CPXM2: variants seen among roughly 807,000 people sequenced by gnomAD.
CPXM2 encodes inactive carboxypeptidase-like protein X2.
In CPXM2, 66 loss-of-function variants were observed where a neutral mutation model predicts 86.1. That is an observed-to-expected ratio of 0.77 (90% CI 0.63 to 0.94). CPXM2 has a LOEUF of 0.94. CPXM2 is among the 40% of genes least tolerant of loss of function. CPXM2 has a pLI of 0.00. For synonymous variants in CPXM2, 388 were observed against 400.2 expected, an observed-to-expected ratio of 0.97 and a Z score of 0.36; for missense variants, 948 against 1,026.3, an observed-to-expected ratio of 0.92 and a Z score of 1.04.
chr10:123,804,727 T>C (rs1456831280), intron 4 of CPXM2, among the ~76,000 whole-genome samples: 1 of 152,236 alleles, frequency 6.6e-6, no homozygotes, highest in African/African-American at 2.4e-5. Flanking sequence ...AGTCCAATGC[T>C]GAAAGAAGTG....
chr10:123,770,772 CA>C (rs1846608468), intron 8 of CPXM2, 143 bp downstream of exon 8: 2 of 834,866 alleles, frequency 2.4e-6, no homozygotes, highest in Non-Finnish European at 3.7e-6. Flanking sequence ...CCAACATGGG[CA>C]AAATCTGTCT....
intron 10 of CPXM2, among the ~76,000 whole-genome samples, chr10:123,763,036 C>G (rs1160986084): frequency 6.6e-6 from 1 of 150,988 alleles, no homozygotes; most frequent in Non-Finnish European, 1.5e-5. Context: ...GCTTGGTCCC[C>G]CTCTGGTTTT....
upstream of CPXM2, among the ~76,000 whole-genome samples, chr10:123,940,910 G>A (rs1322847801): frequency 2.0e-5 from 3 of 152,178 alleles, no homozygotes; most frequent in Non-Finnish European, 4.4e-5. Context: ...GGTGGCTCAC[G>A]CCTGTAATCC....
At chr10:123,799,321 C>T (rs1847403602) in intron 4 of CPXM2, 122 bp from the exon 5 acceptor site, 1 of 1,121,448 alleles carries the variant, frequency 8.9e-7, no homozygotes, top group South Asian at 1.4e-5. Context: ...AACCCTGGCT[C>T]CAGGACATTT....
At chr10:123,895,696 T>C (rs954714099), upstream of CPXM2, among the ~76,000 whole-genome samples, 2 of 152,176 alleles carry the variant, frequency 1.3e-5, no homozygotes, top group Non-Finnish European at 2.9e-5. Flanking sequence ...CTCCGCGTAG[T>C]GTAAGTAGAA....
At chr10:123,889,606 G>A (rs78165098) in intron 1 of CPXM2, among the ~76,000 whole-genome samples, 4,180 of 152,246 alleles carry the variant, frequency 0.027, 117 homozygotes, top group East Asian at 0.12. Flanking sequence ...GCACATAAGC[G>A]GGCAGGCACA....
chr10:123,905,946 G>A (rs1005774182), intron 2 of CPXM2, among the ~76,000 whole-genome samples: 27 of 152,114 alleles, frequency 1.8e-4, no homozygotes, highest in Non-Finnish European at 3.4e-4. Flanking sequence ...TCTGGCTCTC[G>A]GGTTCTATGT....
chr10:123,856,531 A>G (rs1848727875), intron 3 of CPXM2, among the ~76,000 whole-genome samples: 1 of 152,200 alleles, frequency 6.6e-6, no homozygotes, highest in Non-Finnish European at 1.5e-5. Context: ...ACATAGGGTC[A>G]CTTCCTAAGA....
chr10:123,851,755 C>T (rs1006405827), intron 3 of CPXM2, among the ~76,000 whole-genome samples: 25 of 133,636 alleles, frequency 1.9e-4, no homozygotes, highest in African/African-American at 2.4e-4. Context: ...GGTGACAGAA[C>T]GAGACATCAT....
At chr10:123,922,578 C>G (rs1379313844) in intron 2 of CPXM2, among the ~76,000 whole-genome samples, 1 of 152,188 alleles carries the variant, frequency 6.6e-6, no homozygotes, top group Non-Finnish European at 1.5e-5. Flanking sequence ...TGTGGCAAGT[C>G]CCCTGAGTTT....
At chr10:123,923,264 G>A (rs1945591495) in intron 2 of CPXM2, among the ~76,000 whole-genome samples, 1 of 152,336 alleles carries the variant, frequency 6.6e-6, no homozygotes, top group East Asian at 1.9e-4. Flanking sequence ...TAATGTGTGT[G>A]CATTGGATCC....
intron 2 of CPXM2, among the ~76,000 whole-genome samples, chr10:123,877,370 C>A (rs1945005353): frequency 6.6e-6 from 1 of 152,196 alleles, no homozygotes; most frequent in African/African-American, 2.4e-5. Flanking sequence ...TAACAAGCAA[C>A]CCCTAACTCT....
rs201368456 is a variant in CPXM2, at chr10:123,937,470, AACACACACACACACACAC to A, written n.174+1989_174+2006del. Among the ~76,000 whole-genome samples the A allele has an allele frequency of 5.5e-3, 735 of 132,666 alleles. 6 individuals are homozygous for A. Among genetic ancestry groups the A allele is most frequent in the East Asian group, 0.02 (90 of 4,444 alleles). 87.0% of individuals were successfully genotyped at this position (132,666 alleles called of 152,430 possible). ...TGTTAGAAAAACAAGACAACAAAAC[AACACACACACACACACAC>A]ACACACACACACACACACACACACA... On this transcript the variant is annotated intron_variant and non_coding_transcript_variant, in intron 2 of 19. Coordinates refer to the CPXM2 transcript ENST00000368854.
At chr10:123,839,534 G>C (rs1353312364) in intron 4 of CPXM2, among the ~76,000 whole-genome samples, 1 of 152,066 alleles carries the variant, frequency 6.6e-6, no homozygotes, top group Non-Finnish European at 1.5e-5. Context: ...GCCAAGACAT[G>C]GATCTGCCAT....
chr10:123,799,654 A>C (rs1847410982), intron 4 of CPXM2, among the ~76,000 whole-genome samples: 1 of 152,232 alleles, frequency 6.6e-6, no homozygotes, highest in Non-Finnish European at 1.5e-5. Flanking sequence ...GGAATGTAAC[A>C]AATGAGATTT....
At chr10:123,923,595 G>T (rs952990496) in intron 2 of CPXM2, among the ~76,000 whole-genome samples, 1 of 148,792 alleles carries the variant, frequency 6.7e-6, no homozygotes, top group African/African-American at 2.4e-5. Context: ...AAAAAAAAAA[G>T]AAATAAACAT....
At chr10:123,780,536 T>A (rs1044366133) in intron 6 of CPXM2, among the ~76,000 whole-genome samples, 1 of 152,228 alleles carries the variant, frequency 6.6e-6, no homozygotes, top group Non-Finnish European at 1.5e-5. Context: ...AGTGTTTGAC[T>A]TGGTTTTTTA....
At chr10:123,783,421 T>C (rs1432362730) in intron 6 of CPXM2, among the ~76,000 whole-genome samples, 1 of 152,220 alleles carries the variant, frequency 6.6e-6, no homozygotes, top group Admixed American at 6.5e-5. Flanking sequence ...AGCATGTGAC[T>C]CAGGAACACA....
chr10:123,879,322 G>T lies in CPXM2; in HGVS notation c.403+889C>A, dbSNP rs945311066. On this transcript the variant is annotated intron_variant, in intron 2 of 13. Transcript: ENST00000241305. ...GTCCTGCCTCTGTAAATGCAAAGTT[G>T]TGAAATGCATCATTTATTTTAAGCT... is the stretch of plus-strand genomic sequence containing the variant. Among the ~76,000 whole-genome samples, 5 of 152,188 alleles carry T rather than the reference G, an allele frequency of 3.3e-5. No individual in the cohort carries two copies. In the South Asian group the frequency reaches 6.2e-4, roughly 19 times the overall value.
Sources: gnomAD v4.1 joint callset for allele counts (sites outside exome capture counted in the v4.1 genomes callset) on GRCh38, gnomAD v4.1.1 for gene constraint, MANE v1.5 for transcripts, NCBI Gene and HGNC (gene_info 2026-07-23, HGNC 2026-07-21) for gene names.